Variants in IQCK observed in about 807,000 individuals in gnomAD.
IQCK encodes the protein IQ motif containing K.
In IQCK, 29 loss-of-function variants were observed where a neutral mutation model predicts 28.1. The ratio of observed to expected loss-of-function variants is 1.03; its 90% CI spans 0.77 to 1.41. IQCK has a LOEUF of 1.41. Among genes scored for constraint, IQCK ranks in the 40% most tolerant of loss-of-function variants. The pLI, the probability that IQCK is intolerant of heterozygous loss-of-function variation, is 0.00. For synonymous variants in IQCK, 113 were observed against 115.1 expected (o/e 0.98, Z 0.12); for missense variants, 359 against 314.7 (o/e 1.14, Z -1.07).
At chr16:19,817,180 A>G (rs2056000678) in intron 7 of IQCK, among the ~76,000 whole-genome samples, 1 of 151,914 alleles carries the variant, frequency 6.6e-6, no homozygotes, top group Admixed American at 6.6e-5. Flanking sequence ...GCAAATAGAG[A>G]CTCCACACAG....
chr16:19,853,095 T>G (rs1448886194), intron 9 of IQCK, among the ~76,000 whole-genome samples: 1 of 152,184 alleles, frequency 6.6e-6, no homozygotes, highest in Admixed American at 6.5e-5. Flanking sequence ...CCAGTACACG[T>G]ATGGAAGGGT....
intron 2 of IQCK, among the ~76,000 whole-genome samples, chr16:19,730,759 T>A (rs1017570420): frequency 6.0e-5 from 7 of 117,244 alleles, no homozygotes; most frequent in Non-Finnish European, 9.4e-5. Flanking sequence ...CTATCTATCT[T>A]ATCTTATCTA....
At chr16:19,755,024 G>GA (rs112177103) in intron 4 of IQCK, among the ~76,000 whole-genome samples, 41 of 150,612 alleles carry the variant, frequency 2.7e-4, no homozygotes, top group African/African-American at 6.3e-4. Flanking sequence ...CTTCTCAATG[G>GA]AAAAAAAAAT....
chr16:19,747,107 T>C (rs938490125), intron 4 of IQCK, among the ~76,000 whole-genome samples: 1 of 152,192 alleles, frequency 6.6e-6, no homozygotes, highest in African/African-American at 2.4e-5. Flanking sequence ...GCAAGACCCC[T>C]ATCTCTGCCA....
chr16:19,855,083 TAAG>T (rs1159487872), intron 9 of IQCK, among the ~76,000 whole-genome samples: 1 of 151,888 alleles, frequency 6.6e-6, no homozygotes, highest in African/African-American at 2.4e-5. Context: ...ACATAGAAAA[TAAG>T]GAGACTCTGA....
downstream of IQCK, among the ~76,000 whole-genome samples, chr16:19,832,101 T>G (rs1034667234): frequency 2.0e-5 from 3 of 152,082 alleles, no homozygotes; most frequent in African/African-American, 7.2e-5. Context: ...TAGCCTCACA[T>G]AGTCAGTAAT....
At chr16:19,779,864 C>A (rs1243075360) in intron 6 of IQCK, among the ~76,000 whole-genome samples, 1 of 147,440 alleles carries the variant, frequency 6.8e-6, no homozygotes, top group Non-Finnish European at 1.5e-5. Flanking sequence ...ACTACAGGCA[C>A]CTGCCACCAC....
chr16:19,732,513 C>T (rs1240079109), intron 2 of IQCK, among the ~76,000 whole-genome samples: 2 of 152,172 alleles, frequency 1.3e-5, no homozygotes, highest in African/African-American at 4.8e-5. Flanking sequence ...GAGACAGGGT[C>T]TTACTCTGTC....
Position 19,811,615 on chromosome 16 carries a change from A to G in IQCK, c.691-15411A>G, listed in dbSNP as rs189083347. 2.3e-4 allele frequency among the ~76,000 whole-genome samples: 35 copies of G among 152,292 alleles called. 1 individual carries two copies. In the East Asian group the frequency reaches 6.4e-3, roughly 28 times the overall value. On this transcript the variant is annotated intron_variant, in intron 7 of 7. Coordinates refer to ENST00000564186, the Ensembl canonical transcript of IQCK. ...CCCCACCAAAAAGCAGCTGCTCTTC[A>G]TGAGTCACAGAGATAGTGCCTTGCT...
rs1977980238 is a variant in IQCK, at chr16:19,735,380, T to A, written c.404T>A (p.Phe135Tyr). The A allele has an allele frequency of 3.7e-6, 6 of 1,614,072 alleles. No homozygotes were observed. In the Admixed American group the frequency reaches 5.0e-5, roughly 13 times the overall value. The change falls in exon 4 of 8, where the codon TTC (phenylalanine) becomes TAC (tyrosine). Residue 135 changes from phenylalanine (F) to tyrosine (Y), a missense_variant. By Grantham distance (22) the Phe-to-Tyr change is conservative. Transcript: ENST00000564186. ...TCTCCCAAAGAATATTTGGAAACTT[T>A]CATCTTTCCTGTTCTGCTTCCCGGA...
At chr16:19,726,353 A>C (rs1977656094) in intron 1 of IQCK, among the ~76,000 whole-genome samples, 1 of 152,212 alleles carries the variant, frequency 6.6e-6, no homozygotes, top group African/African-American at 2.4e-5. Context: ...CTAGAGAAAC[A>C]GGCAGTGTCA....
At chr16:19,851,336 G>A (rs2056478807) in intron 9 of IQCK, among the ~76,000 whole-genome samples, 1 of 152,184 alleles carries the variant, frequency 6.6e-6, no homozygotes, top group Non-Finnish European at 1.5e-5. Context: ...CTAAAGGTCT[G>A]GGGTGGGGCC....
At position 19,832,580 on chromosome 16, in the gene IQCK, A is replaced by G. The variant is rs1356263957; in HGVS notation, c.802+5443A>G. 3.3e-5 allele frequency among the ~76,000 whole-genome samples: 5 copies of G among 152,328 alleles called. No homozygotes were observed. In the South Asian group the frequency reaches 1.0e-3, roughly 32 times the overall value. On this transcript the variant is annotated intron_variant, in intron 9 of 9. Coordinates refer to the IQCK transcript ENST00000320394. ...AGCCACTCAGTTCTGTAAGTAAAATACTTAACTTCAAGGCCTAGGCTGACA... is the reference window on the plus strand; with the variant it reads ...AGCCACTCAGTTCTGTAAGTAAAATGCTTAACTTCAAGGCCTAGGCTGACA...
chr16:19,734,560 C>T (rs909018384), intron 3 of IQCK, among the ~76,000 whole-genome samples: 2 of 150,608 alleles, frequency 1.3e-5, no homozygotes, highest in South Asian at 2.1e-4. Flanking sequence ...ACTCGGGAAG[C>T]GGAGGTTGCA....
intron 2 of IQCK, among the ~76,000 whole-genome samples, chr16:19,731,598 G>A (rs754187311): frequency 1.3e-5 from 2 of 152,004 alleles, no homozygotes; most frequent in East Asian, 1.9e-4. Flanking sequence ...GTTGATCTTC[G>A]TCTCTTGTGC....
chr16:19,782,451 C>A (rs2055500554), intron 6 of IQCK, among the ~76,000 whole-genome samples: 1 of 151,338 alleles, frequency 6.6e-6, no homozygotes, highest in African/African-American at 2.4e-5. Flanking sequence ...GAGACCCTGT[C>A]TCTACAAAAA....
At chr16:19,752,381 T>C (rs1043434447) in intron 4 of IQCK, among the ~76,000 whole-genome samples, 2 of 152,206 alleles carry the variant, frequency 1.3e-5, no homozygotes, top group African/African-American at 4.8e-5. Flanking sequence ...AAAAGGCTTA[T>C]ATTGTTAGCA....
intron 6 of IQCK, among the ~76,000 whole-genome samples, chr16:19,775,226 C>CAAA (rs1269665221): frequency 2.4e-5 from 2 of 82,396 alleles, no homozygotes; most frequent in Non-Finnish European, 2.9e-5. Flanking sequence ...GACTCTGTAT[C>CAAA]AAAAAAAAAA....
At chr16:19,726,999 T>G (rs1977675871) in intron 1 of IQCK, among the ~76,000 whole-genome samples, 1 of 151,382 alleles carries the variant, frequency 6.6e-6, no homozygotes, top group South Asian at 2.1e-4. Flanking sequence ...GGCATGATGA[T>G]GGGTGCCTGT....
Sources: allele counts gnomAD v4.1 joint callset (sites outside exome capture counted in the v4.1 genomes callset), GRCh38; gene constraint gnomAD v4.1.1; transcripts MANE v1.5; gene names NCBI Gene and HGNC (gene_info 2026-07-23, HGNC 2026-07-21).